CYRIB: variants seen among roughly 807,000 people sequenced by gnomAD.
CYRIB encodes the protein CYFIP-related Rac1 interactor B.
In CYRIB, 8 loss-of-function variants were observed where a neutral mutation model predicts 44.2. That is an observed-to-expected ratio of 0.18 (90% CI 0.11 to 0.33). The LOEUF (loss-of-function observed/expected upper bound fraction) is 0.33. Among genes scored for constraint, CYRIB ranks in the 10% least tolerant of loss-of-function variants. The pLI, the probability that CYRIB is intolerant of heterozygous loss-of-function variation, is 1.00. For synonymous variants in CYRIB, 131 were observed against 127.2 expected (o/e 1.03, Z -0.20); for missense variants, 185 against 382.8 (o/e 0.48, Z 4.31).
chr8:129,926,492 C>G (rs1008761614), intron 1 of CYRIB, among the ~76,000 whole-genome samples: 18 of 152,096 alleles, frequency 1.2e-4, no homozygotes, highest in African/African-American at 3.4e-4. Flanking sequence ...GTGTAATCTA[C>G]AGTCTCCTAG....
chr8:129,866,434 T>C (rs2053619306), intron 4 of CYRIB, among the ~76,000 whole-genome samples: 1 of 152,104 alleles, frequency 6.6e-6, no homozygotes, highest in Non-Finnish European at 1.5e-5. Context: ...GGTTAACTGA[T>C]TTCCAGGGAA....
At chr8:129,976,092 C>A (rs566745753) in intron 1 of CYRIB, among the ~76,000 whole-genome samples, 169 of 149,110 alleles carry the variant, frequency 1.1e-3, no homozygotes, top group African/African-American at 4.0e-3. Context: ...GTTAATTAAA[C>A]AAAAAAAAAA....
intron 1 of CYRIB, among the ~76,000 whole-genome samples, chr8:129,973,761 T>A (rs571566170): frequency 6.6e-6 from 1 of 152,106 alleles, no homozygotes; most frequent in Non-Finnish European, 1.5e-5. Context: ...TGGAGTTCAA[T>A]TCCAGCCTGG....
chr8:129,859,376 A>T (rs1205370029), intron 5 of CYRIB, among the ~76,000 whole-genome samples: 2 of 151,854 alleles, frequency 1.3e-5, no homozygotes, highest in Non-Finnish European at 2.9e-5. Context: ...CATCACAGGG[A>T]GATGGTTAGG....
Position 129,845,840 on chromosome 8 carries a change from T to C in CYRIB, c.911+964A>G, listed in dbSNP as rs2039652097. On this transcript the variant is annotated intron_variant, in intron 11 of 11. Coordinates refer to ENST00000519824, the Ensembl canonical transcript of CYRIB. Reference sequence around the variant, plus strand: ...AGTCAAATGTTATAAAGTATCGAGATTTTCATTTAAAAATGTTCTAGCAGC... The same window carrying C: ...AGTCAAATGTTATAAAGTATCGAGACTTTCATTTAAAAATGTTCTAGCAGC... Among the ~76,000 whole-genome samples, 4 of 152,314 alleles carry C rather than the reference T, an allele frequency of 2.6e-5. No homozygotes were observed. The South Asian group carries it at 8.3e-4, about 32-fold the overall frequency.
intron 4 of CYRIB, among the ~76,000 whole-genome samples, chr8:129,862,893 ATAAC>A (rs1337703494): frequency 6.6e-6 from 1 of 152,230 alleles, no homozygotes; most frequent in East Asian, 1.9e-4. Flanking sequence ...AGTTAGATAC[ATAAC>A]TAACATAATA....
chr8:130,006,660 ATG>A (rs796966466), intron 1 of CYRIB, among the ~76,000 whole-genome samples: 4 of 51,836 alleles, frequency 7.7e-5, no homozygotes, highest in Non-Finnish European at 1.3e-4. Flanking sequence ...ACATATATAT[ATG>A]TATATATATA....
chr8:129,910,278 G>A (rs2046260), intron 1 of CYRIB, among the ~76,000 whole-genome samples: 60,986 of 151,970 alleles, frequency 0.4, 13,278 homozygotes, highest in East Asian at 0.55. Context: ...TGTGCAGAGG[G>A]CCATGTGAAC....
chr8:129,867,368 A>C, intron 4 of CYRIB, among the ~76,000 whole-genome samples: 1 of 146,670 alleles, frequency 6.8e-6, no homozygotes, highest in East Asian at 2.0e-4. Flanking sequence ...CAGGTGATAC[A>C]CCTGTCTTGG....
At chr8:129,978,435 A>T (rs895621970) in intron 1 of CYRIB, among the ~76,000 whole-genome samples, 3 of 152,122 alleles carry the variant, frequency 2.0e-5, no homozygotes. Flanking sequence ...TGAAACCTCC[A>T]CCGTAACAGA....
At chr8:130,016,462 G>T (rs1484609369), upstream of CYRIB, 1 of 151,026 alleles carries the variant, frequency 6.6e-6, no homozygotes, top group Non-Finnish European at 1.5e-5. Flanking sequence ...CCGGGTTGGC[G>T]GGGCTCACGT....
chr8:129,962,527 A>C (rs2095307715), intron 2 of CYRIB, among the ~76,000 whole-genome samples: 1 of 152,110 alleles, frequency 6.6e-6, no homozygotes, highest in South Asian at 2.1e-4. Flanking sequence ...CTATGGCATA[A>C]AATAGGGACC....
At chr8:129,903,554 G>A (rs2073508470) in intron 1 of CYRIB, among the ~76,000 whole-genome samples, 1 of 151,762 alleles carries the variant, frequency 6.6e-6, no homozygotes, top group Admixed American at 6.6e-5. Context: ...ATCATATTAA[G>A]CCCTGGAAAC....
At chr8:129,988,180 G>C (rs1409064865) in intron 1 of CYRIB, among the ~76,000 whole-genome samples, 1 of 152,202 alleles carries the variant, frequency 6.6e-6, no homozygotes, top group Non-Finnish European at 1.5e-5. Flanking sequence ...GTACGAAACT[G>C]CTACGTGATA....
At chr8:130,001,525 CTTTTTTTT>C (rs1325066581) in intron 1 of CYRIB, among the ~76,000 whole-genome samples, 1 of 120,348 alleles carries the variant, frequency 8.3e-6, no homozygotes, top group African/African-American at 3.2e-5. Flanking sequence ...AAAATAATTT[CTTTTTTTT>C]TTTTTTTTTT....
At chr8:129,971,333 T>C (rs2095683256) in intron 1 of CYRIB, among the ~76,000 whole-genome samples, 1 of 152,124 alleles carries the variant, frequency 6.6e-6, no homozygotes, top group African/African-American at 2.4e-5. Context: ...CCTCAAGTGA[T>C]CCACCAGCCT....
At chr8:129,951,305 A>G (rs2094490581) in intron 2 of CYRIB, among the ~76,000 whole-genome samples, 1 of 152,006 alleles carries the variant, frequency 6.6e-6, no homozygotes, top group African/African-American at 2.4e-5. Context: ...CTCCATCTCA[A>G]AAGAAAAACA....
At chr8:129,886,612 G>A (rs2062858033) in intron 2 of CYRIB, among the ~76,000 whole-genome samples, 1 of 152,026 alleles carries the variant, frequency 6.6e-6, no homozygotes, top group African/African-American at 2.4e-5. Flanking sequence ...CCACTGCAAT[G>A]TGGCTTTTAT....
chr8:129,858,075 C>T (rs1231907216), intron 5 of CYRIB, among the ~76,000 whole-genome samples: 1 of 152,184 alleles, frequency 6.6e-6, no homozygotes, highest in Non-Finnish European at 1.5e-5. Context: ...GCTAATCTGC[C>T]TTTGAAGCAG....
Sources: gnomAD v4.1 joint callset for allele counts (sites outside exome capture counted in the v4.1 genomes callset) on GRCh38, gnomAD v4.1.1 for gene constraint, MANE v1.5 for transcripts, NCBI Gene and HGNC (gene_info 2026-07-23, HGNC 2026-07-21) for gene names.